The following ANXA8 variants were observed in gnomAD, a reference collection of about 807,000 sequenced individuals.
The protein encoded by ANXA8 is VAC-beta.
ANXA8 carries 9 observed loss-of-function variants against 26.8 expected under a neutral mutation model. That is an observed-to-expected ratio of 0.34 (90% CI 0.20 to 0.59). The LOEUF (loss-of-function observed/expected upper bound fraction) is 0.59. Among genes scored for constraint, ANXA8 ranks in the 20% least tolerant of loss-of-function variants. The probability of loss-of-function intolerance (pLI) is 0.84; values close to 1 mark genes in which losing one functional copy is unlikely to be tolerated. For synonymous variants in ANXA8, 39 were observed against 94.8 expected (o/e 0.41, Z 3.42); for missense variants, 83 against 238.5 (o/e 0.35, Z 4.29).
chr10:47,679,639 C>T, the ANXA8 span, among the ~76,000 whole-genome samples: 1 of 151,806 alleles, frequency 6.6e-6, no homozygotes, highest in South Asian at 2.1e-4. Flanking sequence ...CAAAAAAAGG[C>T]GAGGCACAGT....
chr10:47,552,012 C>G, the ANXA8 span: 2 of 295,150 alleles, frequency 6.8e-6, no homozygotes, highest in African/African-American at 4.5e-5. Flanking sequence ...CCAGGCAATA[C>G]CCAGGGAAAA....
chr10:47,641,242 C>CT, the ANXA8 span, among the ~76,000 whole-genome samples: 1 of 149,682 alleles, frequency 6.7e-6, no homozygotes, highest in Non-Finnish European at 1.5e-5. Context: ...ATATTAGCTA[C>CT]TTTTGTTAGC....
At chr10:47,615,458 C>A in the ANXA8 span, among the ~76,000 whole-genome samples, 3 of 72,898 alleles carry the variant, frequency 4.1e-5, no homozygotes, top group East Asian at 8.1e-4. Context: ...ACCCCATCTT[C>A]ATGGGAAGAC....
the ANXA8 span, among the ~76,000 whole-genome samples, chr10:47,649,160 A>G: frequency 1.4e-3 from 201 of 144,284 alleles, 1 homozygote; most frequent in African/African-American, 4.9e-3. Context: ...TTAGGGCTAT[A>G]TAAATATTTT....
chr10:47,699,344 CA>C, the ANXA8 span, among the ~76,000 whole-genome samples: 2,102 of 54,258 alleles, frequency 0.039, 5 homozygotes, highest in Non-Finnish European at 0.046. Context: ...ATTCTGTCTC[CA>C]AAAAAAAAAA....
At chr10:47,983,345 G>A in the ANXA8 span, among the ~76,000 whole-genome samples, 41 of 112,384 alleles carry the variant, frequency 3.6e-4, no homozygotes, top group East Asian at 1.0e-3. Context: ...CCAAATGTCC[G>A]TCAACGAATG....
chr10:47,973,973 T>G, the ANXA8 span, among the ~76,000 whole-genome samples: 1 of 150,968 alleles, frequency 6.6e-6, no homozygotes. Flanking sequence ...AGTCAGGGTA[T>G]CAGTCTCTTC....
rs1333477671 is a variant in ANXA8, at chr10:47,476,276, C to T, written c.368G>A (p.Arg123Gln). 2.1e-5 allele frequency: 12 copies of T among 566,106 alleles called. No homozygotes were observed. Among genetic ancestry groups the T allele is most frequent in the Admixed American group, 1.4e-4 (3 of 21,986 alleles). 35.1% of individuals were successfully genotyped at this position (566,106 alleles called of 1,614,324 possible). A position where few individuals can be genotyped will look rare whatever the true frequency, so the allele number is the denominator to read the frequency against. ...TATCTCCCGCAGCTGGTTCTTGGTC[C>T]GAGAGGCCAGGATCTCAATGATGAC... is the stretch of plus-strand genomic sequence containing the variant. Reference protein sequence around the residue: ...EGVIIEILASRTKNQLREIMK... With the variant: ...EGVIIEILASQTKNQLREIMK... The change falls in exon 5 of 12, where the codon CGG (arginine) becomes CAG (glutamine). Residue 123 changes from arginine to glutamine, a missense_variant. Arg to Gln is a conservative substitution (Grantham distance 43). Around this residue, in one of 6 missense-constraint regions of ANXA8, gnomAD observed 16 missense variants for 16.3 expected, o/e 0.98. Transcript: ENST00000585281.
At chr10:47,695,413 GGAGAGGC>G in the ANXA8 span, among the ~76,000 whole-genome samples, 3 of 151,354 alleles carry the variant, frequency 2.0e-5, no homozygotes, top group Non-Finnish European at 4.4e-5. Flanking sequence ...GAGTGGGAAG[GGAGAGGC>G]AAGATGACTT....
At chr10:47,733,109 T>A in the ANXA8 span, among the ~76,000 whole-genome samples, 1 of 152,088 alleles carries the variant, frequency 6.6e-6, no homozygotes, top group Non-Finnish European at 1.5e-5. Flanking sequence ...GTTGAATCCA[T>A]TGGCCTAAAT....
At chr10:47,658,451 C>T in the ANXA8 span, among the ~76,000 whole-genome samples, 1 of 149,368 alleles carries the variant, frequency 6.7e-6, no homozygotes, top group Admixed American at 6.6e-5. Flanking sequence ...TACTGGATGC[C>T]TGTTTGGTTT....
At chr10:47,507,603 T>C in the ANXA8 span, 14 of 1,531,078 alleles carry the variant, frequency 9.1e-6, 4 homozygotes, top group East Asian at 3.8e-4. Context: ...GAAAACAAAT[T>C]CATAACAATA....
chr10:47,894,900 TAC>T, the ANXA8 span, among the ~76,000 whole-genome samples: 1 of 150,046 alleles, frequency 6.7e-6, no homozygotes, highest in Non-Finnish European at 1.5e-5. Flanking sequence ...ACACACAAAA[TAC>T]ACACACAGCA....
At chr10:47,676,521 T>C in the ANXA8 span, among the ~76,000 whole-genome samples, 1 of 151,878 alleles carries the variant, frequency 6.6e-6, no homozygotes, top group African/African-American at 2.4e-5. Context: ...GGCTATTCCA[T>C]GTTTTAGGAC....
chr10:47,626,221 A>G, the ANXA8 span, among the ~76,000 whole-genome samples: 1 of 149,878 alleles, frequency 6.7e-6, no homozygotes, highest in Non-Finnish European at 1.5e-5. Flanking sequence ...CATAAAGGAT[A>G]ATATTGGTCA....
the ANXA8 span, among the ~76,000 whole-genome samples, chr10:47,684,796 G>A: frequency 9.3e-5 from 14 of 150,628 alleles, no homozygotes; most frequent in South Asian, 2.1e-4. Context: ...ATGTTGGCCA[G>A]GCTGGTCTCA....
the ANXA8 span, among the ~76,000 whole-genome samples, chr10:47,724,404 A>G: frequency 7.1e-6 from 1 of 141,120 alleles, no homozygotes; most frequent in African/African-American, 2.6e-5. Context: ...TTTCCTCTGC[A>G]GTCTCATCTG....
chr10:47,600,143 A>G, the ANXA8 span, among the ~76,000 whole-genome samples: 5 of 149,246 alleles, frequency 3.4e-5, no homozygotes, highest in Admixed American at 1.3e-4. Context: ...TATGTGCACT[A>G]AACTTATTTT....
chr10:47,701,876 G>T, the ANXA8 span, among the ~76,000 whole-genome samples: 1 of 151,622 alleles, frequency 6.6e-6, no homozygotes, highest in Non-Finnish European at 1.5e-5. Context: ...TACACAGAAG[G>T]GGGTGGGGAA....
Sources: gnomAD v4.1 joint callset for allele counts (sites outside exome capture counted in the v4.1 genomes callset) on GRCh38, gnomAD v4.1.1 for gene constraint, gnomAD v4.1.1 regional missense constraint, MANE v1.5 for transcripts, NCBI Gene and HGNC (gene_info 2026-07-23, HGNC 2026-07-21) for gene names.